DNMBP: variants seen among roughly 807,000 people sequenced by gnomAD.
DNMBP encodes the protein dynamin-binding protein.
A neutral mutation model predicts 150.0 loss-of-function variants in DNMBP; 87 were observed. The ratio of observed to expected loss-of-function variants is 0.58; its 90% CI spans 0.49 to 0.69. The LOEUF is 0.69. DNMBP is among the 30% of genes least tolerant of loss of function. The pLI, the probability that DNMBP is intolerant of heterozygous loss-of-function variation, is 0.00. For synonymous variants in DNMBP, 711 were observed against 750.4 expected (o/e 0.95, Z 0.86); for missense variants, 1,774 against 1,949.0 (o/e 0.91, Z 1.69).
At chr10:99,962,396 C>T (rs1349552136) in intron 3 of DNMBP, among the ~76,000 whole-genome samples, 2 of 152,208 alleles carry the variant, frequency 1.3e-5, no homozygotes, top group Admixed American at 6.5e-5. Context: ...CTTTGGGACG[C>T]CGAGGCAGGG....
chr10:99,876,972 G>T lies in DNMBP; in HGVS notation c.*179C>A. The T allele has an allele frequency of 1.9e-6, 1 of 522,406 alleles. No individual in the cohort carries two copies. Among genetic ancestry groups the T allele is most frequent in the Middle Eastern group, 4.9e-4 (1 of 2,042 alleles). 32.4% of individuals were successfully genotyped at this position (522,406 alleles called of 1,614,324 possible). Reference sequence around the variant, plus strand: ...TTTCAAATTCTAGAGATTCTAGTGAGCATCAAGGTTTACAACCCAATCGAG... The same window carrying T: ...TTTCAAATTCTAGAGATTCTAGTGATCATCAAGGTTTACAACCCAATCGAG... On this transcript the variant is annotated 3_prime_UTR_variant, in exon 17 of 17. Transcript: ENST00000324109.
At chr10:99,983,393 G>A (rs992393528) in intron 1 of DNMBP, among the ~76,000 whole-genome samples, 1 of 152,174 alleles carries the variant, frequency 6.6e-6, no homozygotes, top group Non-Finnish European at 1.5e-5. Context: ...AGAAAATGAA[G>A]TCTAAATCTG....
intron 4 of DNMBP, among the ~76,000 whole-genome samples, chr10:99,935,839 G>C (rs12415260): frequency 6.6e-6 from 1 of 152,100 alleles, no homozygotes; most frequent in African/African-American, 2.4e-5. Flanking sequence ...TGCTGGGATT[G>C]CAGGCGTGAG....
chr10:99,915,043 G>A (rs1239360626), intron 4 of DNMBP, among the ~76,000 whole-genome samples: 1 of 145,140 alleles, frequency 6.9e-6, no homozygotes, highest in Non-Finnish European at 1.5e-5. Context: ...GCAGTGAGCC[G>A]AGATCGTACC....
At chr10:99,984,514 A>G (rs2040810895) in intron 1 of DNMBP, among the ~76,000 whole-genome samples, 1 of 152,240 alleles carries the variant, frequency 6.6e-6, no homozygotes, top group African/African-American at 2.4e-5. Context: ...GGCTATAGAT[A>G]ACAAAGAACA....
chr10:99,989,151 A>G (rs2040859609), intron 1 of DNMBP, among the ~76,000 whole-genome samples: 1 of 152,242 alleles, frequency 6.6e-6, no homozygotes, highest in African/African-American at 2.4e-5. Flanking sequence ...ATCATTATGT[A>G]TATCATTAAT....
intron 15 of DNMBP, among the ~76,000 whole-genome samples, chr10:99,880,807 G>T (rs181334447): frequency 2.0e-4 from 31 of 152,348 alleles, no homozygotes; most frequent in African/African-American, 7.0e-4. Context: ...ACCGAGTTAA[G>T]AACCAGCCTC....
rs368258950 is a variant in DNMBP at position 99,886,573 on chromosome 10, T to C, written c.3345A>G (p.Thr1115=). The C allele has an allele frequency of 5.6e-6, 9 of 1,614,182 alleles. No individual in the cohort carries two copies. Among genetic ancestry groups the C allele is most frequent in the South Asian group, 1.1e-5 (1 of 91,084 alleles). The part of the protein sequence containing the change: ...SPLNQLLSMF[T]GPHKLVQKRF... ...GTTTCTGTACCAGCTTATGGGGCCC[T>C]GTAAACATGCTCAGTAACTGATTTA... The change falls in exon 13 of 17, where the codon ACA becomes ACG. Residue 1115 remains threonine (T), a synonymous_variant. Coordinates refer to ENST00000324109, the MANE Select transcript of DNMBP (RefSeq NM_015221.4).
rs556688529 is a variant in DNMBP, at chr10:99,898,370, A to T, written c.2721-85T>A. On this transcript the variant is annotated intron_variant, in intron 8 of 16. Coordinates refer to ENST00000324109, the MANE Select transcript of DNMBP (RefSeq NM_015221.4). ...AACATCGTGAGACCCCACCTTAAAA[A>T]AAACTTTTTTTTAACATAATAATAA... is the stretch of plus-strand genomic sequence containing the variant. 2.0e-5 allele frequency: 24 copies of T among 1,193,746 alleles called. No homozygotes were observed. In the Admixed American group the frequency reaches 2.0e-4, roughly 10 times the overall value. The allele number at this position is 1,193,746 out of a possible 1,614,324, so 73.9% of individuals were successfully genotyped here. A position where few individuals can be genotyped will look rare whatever the true frequency, so the allele number is the denominator to read the frequency against.
chr10:99,954,635 T>C (rs2040461998), intron 4 of DNMBP, among the ~76,000 whole-genome samples: 1 of 149,910 alleles, frequency 6.7e-6, no homozygotes, highest in South Asian at 2.1e-4. Flanking sequence ...TCCCAGCTAC[T>C]CAGGAGGCTG....
chr10:99,886,399 C>T lies in DNMBP; in HGVS notation c.3519G>A (p.Gln1173=). ...AGTTGGTGAAGAGGCCCTGGGCGTA[C>T]TGGTGGAACTTGGGCAGCTCATCCA... ...QLLDELPKFH[Q]YAQGLFTNCV... The change falls in exon 13 of 17, where the codon CAG becomes CAA. Residue 1173 remains glutamine, a synonymous_variant. Coordinates refer to ENST00000324109, the MANE Select transcript of DNMBP (RefSeq NM_015221.4). 1 of 1,614,188 alleles carries T rather than the reference C, an allele frequency of 6.2e-7. No individual in the cohort carries two copies. Among genetic ancestry groups the T allele is most frequent in the Non-Finnish European group, 8.5e-7 (1 of 1,180,036 alleles).
At chr10:99,987,191 G>A (rs144209454) in intron 1 of DNMBP, among the ~76,000 whole-genome samples, 1 of 151,216 alleles carries the variant, frequency 6.6e-6, no homozygotes, top group East Asian at 2.0e-4. Context: ...CAGGAGATGG[G>A]GGCACTAACA....
chr10:100,004,269 A>G (rs939000547), intron 1 of DNMBP, among the ~76,000 whole-genome samples: 1 of 150,456 alleles, frequency 6.6e-6, no homozygotes, highest in East Asian at 1.9e-4. Flanking sequence ...ATATATATAA[A>G]TATATATGTA....
At chr10:99,996,425 C>A (rs968561206) in intron 1 of DNMBP, among the ~76,000 whole-genome samples, 3 of 152,160 alleles carry the variant, frequency 2.0e-5, no homozygotes, top group Non-Finnish European at 2.9e-5. Flanking sequence ...GAGGCTGAGA[C>A]ACGAGGATCA....
chr10:99,959,580 C>T (rs1299423292), intron 3 of DNMBP, among the ~76,000 whole-genome samples: 1 of 152,100 alleles, frequency 6.6e-6, no homozygotes, highest in Non-Finnish European at 1.5e-5. Context: ...AGGCCAGGTG[C>T]AGTGGCTCAC....
chr10:99,955,496 G>C lies in DNMBP; in HGVS notation c.1978C>G (p.Pro660Ala), dbSNP rs755292801. ...SAQQRTNAVS[P>A]KLLSRHRPTC... Reference sequence around the variant, plus strand: ...GGACGGTGTCGAGATAGGAGCTTGGGGGATACCGCATTCGTTCTCTGCTGT... The same window carrying C: ...GGACGGTGTCGAGATAGGAGCTTGGCGGATACCGCATTCGTTCTCTGCTGT... The change falls in exon 4 of 17, where the codon CCC becomes GCC. Residue 660 changes from proline to alanine, a missense_variant. Around this residue, in one of 2 missense-constraint regions of DNMBP, gnomAD observed 1,430 missense variants for 1,492.5 expected, o/e 0.96. Transcript: ENST00000324109. The C allele has an allele frequency of 1.9e-6, 3 of 1,600,266 alleles. No homozygotes were observed. Among genetic ancestry groups the C allele is most frequent in the Non-Finnish European group, 2.6e-6 (3 of 1,172,908 alleles).
At chr10:99,925,461 G>A (rs2040068743) in intron 4 of DNMBP, among the ~76,000 whole-genome samples, 2 of 151,712 alleles carry the variant, frequency 1.3e-5, no homozygotes, top group African/African-American at 4.9e-5. Context: ...TGTCGCCCAG[G>A]CTGGAGTGCA....
chr10:99,877,652 T>C (rs1008535048), intron 16 of DNMBP, among the ~76,000 whole-genome samples: 3 of 151,862 alleles, frequency 2.0e-5, no homozygotes, highest in Non-Finnish European at 4.4e-5. Flanking sequence ...TCACCTGAAG[T>C]TGGGAATTTA....
In DNMBP at chr10:99,969,124, G is replaced by T. The variant is rs770678721; in HGVS notation, c.259C>A (p.Leu87Ile). Reference protein sequence around the residue: ...FTSQELDNLPLHRGDLVILDG... With the variant: ...FTSQELDNLPIHRGDLVILDG... The stretch of plus-strand genomic sequence containing the variant: ...TTGATGAGCAGCTTACCTCGATGGA[G>T]GGGAAGATTATCCAACTCTTGGGAT... Residue 87 changes from leucine (L) to isoleucine (I), a missense_variant, in exon 3 of 17, where the codon CTC (leucine) becomes ATC (isoleucine). By Grantham distance (5) the Leu-to-Ile change is conservative (BLOSUM62 2). This residue lies in a region of DNMBP where 344 missense variants were observed against 456.6 expected (regional missense o/e 0.75). Coordinates refer to ENST00000324109, the MANE Select transcript of DNMBP (RefSeq NM_015221.4). The T allele has an allele frequency of 3.1e-6, 5 of 1,614,068 alleles. No homozygotes were observed. In the East Asian group the frequency reaches 6.7e-5, roughly 22 times the overall value.
Sources: gnomAD v4.1 joint callset for allele counts (sites outside exome capture counted in the v4.1 genomes callset) on GRCh38, gnomAD v4.1.1 for gene constraint, gnomAD v4.1.1 regional missense constraint, MANE v1.5 for transcripts, NCBI Gene and HGNC (gene_info 2026-07-23, HGNC 2026-07-21) for gene names.